The following STXBP5 variants were observed in gnomAD, a reference collection of about 807,000 sequenced individuals.
STXBP5 encodes the protein syntaxin-binding protein 5.
STXBP5 carries 50 observed loss-of-function variants against 152.4 expected under a neutral mutation model. That is an observed-to-expected ratio of 0.33 (90% CI 0.26 to 0.42). STXBP5 has a LOEUF of 0.42. Ranked by LOEUF, STXBP5 falls within the 10% of genes least tolerant of loss-of-function variation. STXBP5 has a pLI of 1.00. For synonymous variants in STXBP5, 492 were observed against 494.7 expected (o/e 0.99, Z 0.07); for missense variants, 1,167 against 1,388.6 (o/e 0.84, Z 2.54).
At chr6:147,314,571 A>G (rs1218764177) in intron 13 of STXBP5, 25 bp from the exon 14 acceptor site, 8 of 1,603,416 alleles carry the variant, frequency 5.0e-6, no homozygotes, top group Non-Finnish European at 6.8e-6. Flanking sequence ...TTTATTCATC[A>G]CATTCTTAAC....
rs191078388 is a variant in STXBP5, at chr6:147,350,815, T to A, written c.2255-2508T>A. On this transcript the variant is annotated intron_variant, in intron 21 of 27. Coordinates refer to ENST00000321680, the MANE Select transcript of STXBP5 (RefSeq NM_001127715.4). ...TTAAATCATACTATGTGCCAGGTATTATGCTCAGTTCTTTGCTTATGTCAT... is the reference window on the plus strand; with the variant it reads ...TTAAATCATACTATGTGCCAGGTATAATGCTCAGTTCTTTGCTTATGTCAT... 1.4e-3 allele frequency among the ~76,000 whole-genome samples: 207 copies of A among 152,310 alleles called. 1 individual carries two copies. Among genetic ancestry groups the A allele is most frequent in the African/African-American group, 4.8e-3 (200 of 41,572 alleles).
intron 9 of STXBP5, among the ~76,000 whole-genome samples, chr6:147,295,373 T>C (rs940219213): frequency 3.3e-5 from 5 of 152,172 alleles, no homozygotes; most frequent in African/African-American, 1.2e-4. Context: ...ATCTCTTTAT[T>C]ATGGAACCTA....
chr6:147,340,897 T>C (rs1048228284), intron 21 of STXBP5, among the ~76,000 whole-genome samples: 2 of 152,184 alleles, frequency 1.3e-5, no homozygotes, highest in Non-Finnish European at 2.9e-5. Flanking sequence ...GCTTTATTTT[T>C]ATCTTATTGG....
At chr6:147,205,120 A>G (rs1349752103) in intron 1 of STXBP5, among the ~76,000 whole-genome samples, 2 of 152,078 alleles carry the variant, frequency 1.3e-5, no homozygotes, top group Non-Finnish European at 2.9e-5. Context: ...CTTTTCCCTT[A>G]AAATGTGGTG....
rs748507714 is a variant in STXBP5 at position 147,363,478 on chromosome 6, C to T, written c.2689C>T (p.Arg897Trp). ...CGAAAAGGAGAAATTGAAAAAACGG[C>T]GGCCTGTCTCAGTATCCCCCTCCTC... is the stretch of plus-strand genomic sequence containing the variant. ...KDEKEKLKKR[R>W]PVSVSPSSSQ... Residue 897 changes from arginine to tryptophan, a missense_variant, in exon 24 of 28, where the codon CGG becomes TGG. Physicochemically the swap from Arg to Trp is moderately radical, Grantham distance 101. Coordinates refer to ENST00000321680, the MANE Select transcript of STXBP5 (RefSeq NM_001127715.4). 6 of 1,614,048 alleles carry T rather than the reference C, an allele frequency of 3.7e-6. No homozygotes were observed. Among genetic ancestry groups the T allele is most frequent in the South Asian group, 3.3e-5 (3 of 91,068 alleles).
intron 4 of STXBP5, among the ~76,000 whole-genome samples, chr6:147,253,944 CTTTAAAT>C (rs1779228886): frequency 6.6e-6 from 1 of 152,092 alleles, no homozygotes; most frequent in African/African-American, 2.4e-5. Flanking sequence ...GAAAAAAAAA[CTTTAAAT>C]TTTATGTGGA....
chr6:147,333,163 C>CTTAGT (rs746766937), intron 18 of STXBP5, among the ~76,000 whole-genome samples: 4 of 152,172 alleles, frequency 2.6e-5, no homozygotes, highest in Non-Finnish European at 5.9e-5. Flanking sequence ...CATCTATCAT[C>CTTAGT]TTAGATCTGT....
intron 2 of STXBP5, among the ~76,000 whole-genome samples, chr6:147,224,124 T>A (rs867857714): frequency 6.6e-6 from 1 of 152,226 alleles, no homozygotes; most frequent in Non-Finnish European, 1.5e-5. Flanking sequence ...GAAAAGTCTA[T>A]TCTTAAACAT....
intron 2 of STXBP5, among the ~76,000 whole-genome samples, chr6:147,224,316 C>T (rs1777604195): frequency 2.0e-5 from 3 of 152,166 alleles, no homozygotes; most frequent in African/African-American, 4.8e-5. Flanking sequence ...ATCCCAGCTA[C>T]TGGGAGGCTG....
At position 147,363,694 on chromosome 6, in the gene STXBP5, A is replaced by G. The variant is rs1454550246; in HGVS notation, c.2905A>G (p.Met969Val). The G allele has an allele frequency of 1.9e-6, 3 of 1,609,472 alleles. No individual in the cohort carries two copies. Among genetic ancestry groups the G allele is most frequent in the Non-Finnish European group, 2.5e-6 (3 of 1,178,262 alleles). Residue 969 changes from methionine (M) to valine (V), a missense_variant, in exon 24 of 28, where the codon ATG (methionine) becomes GTG (valine). Around this residue, in one of 3 missense-constraint regions of STXBP5, gnomAD observed 833 missense variants for 986.3 expected, o/e 0.84. Transcript: ENST00000321680. ...CTGTTTCTGTGCCAATGGACATATA[A>G]TGACTTTTAGGTAAGAGTTAGATAT... ...LACFCANGHI[M>V]TFSLPSLRPL... is the part of the protein sequence containing the mutation.
chr6:147,343,240 A>C (rs1157505894), intron 21 of STXBP5, among the ~76,000 whole-genome samples: 1 of 152,146 alleles, frequency 6.6e-6, no homozygotes, highest in African/African-American at 2.4e-5. Flanking sequence ...TTCTGAGTTA[A>C]CATAATTATT....
chr6:147,378,811 A>G (rs1785934836), intron 26 of STXBP5, among the ~76,000 whole-genome samples: 2 of 152,308 alleles, frequency 1.3e-5, no homozygotes, highest in African/African-American at 4.8e-5. Context: ...ACTTTAAATT[A>G]CTATTTGTGT....
intron 22 of STXBP5, among the ~76,000 whole-genome samples, chr6:147,356,205 T>C (rs1253139009): frequency 6.6e-6 from 1 of 152,122 alleles, no homozygotes; most frequent in Non-Finnish European, 1.5e-5. Context: ...ATTTAAAATA[T>C]AGGTTGTTGT....
intron 25 of STXBP5, among the ~76,000 whole-genome samples, chr6:147,365,082 A>T (rs1179379492): frequency 6.6e-6 from 1 of 152,094 alleles, no homozygotes; most frequent in East Asian, 1.9e-4. Flanking sequence ...TAATGTGCTT[A>T]GCATAGTGCC....
intron 2 of STXBP5, among the ~76,000 whole-genome samples, chr6:147,215,179 G>A (rs1409382686): frequency 6.6e-6 from 1 of 152,180 alleles, no homozygotes; most frequent in Non-Finnish European, 1.5e-5. Context: ...TCAAGCAGTT[G>A]GCTGGATTTG....
At position 147,251,183 on chromosome 6, in the gene STXBP5, G is replaced by T. The variant is rs115141526; in HGVS notation, c.432-9432G>T. ...CGTTGCCTCACCCGGAAGCGGAAAG[G>T]GTCGGGAAACTCCCTCCCCTAGCCA... On this transcript the variant is annotated intron_variant, in intron 4 of 27. Coordinates refer to ENST00000321680, the MANE Select transcript of STXBP5 (RefSeq NM_001127715.4). 8.1e-3 allele frequency among the ~76,000 whole-genome samples: 1,234 copies of T among 152,200 alleles called. 19 individuals carry two copies. The highest frequency in any genetic ancestry group is 0.029 in the African/African-American group (1,184 of 41,530).
At chr6:147,237,278 G>A (rs1334275868) in intron 3 of STXBP5, among the ~76,000 whole-genome samples, 1 of 151,688 alleles carries the variant, frequency 6.6e-6, no homozygotes. Context: ...TTTTTGACCT[G>A]TTAAATTATA....
intron 11 of STXBP5, among the ~76,000 whole-genome samples, chr6:147,312,059 A>G (rs941492122): frequency 6.6e-5 from 10 of 152,280 alleles, no homozygotes; most frequent in Middle Eastern, 3.4e-3. Flanking sequence ...ACTAGTGTCT[A>G]TTCCTTAGGA....
rs563543503 is a variant in STXBP5, at chr6:147,276,739, C to G, written c.715-1342C>G. Among the ~76,000 whole-genome samples, 4 of 152,144 alleles carry G rather than the reference C, an allele frequency of 2.6e-5. No individual in the cohort carries two copies. In the East Asian group the frequency reaches 7.7e-4, roughly 29 times the overall value. On this transcript the variant is annotated intron_variant, in intron 7 of 27. Transcript: ENST00000321680. ...TTTTCAAAATGTCATATGTATATGTCAGTTTATTATTGCTTTAAGATTTTA... is the reference window on the plus strand; with the variant it reads ...TTTTCAAAATGTCATATGTATATGTGAGTTTATTATTGCTTTAAGATTTTA...
Sources: gnomAD v4.1 joint callset for allele counts (sites outside exome capture counted in the v4.1 genomes callset) on GRCh38, gnomAD v4.1.1 for gene constraint, gnomAD v4.1.1 regional missense constraint, MANE v1.5 for transcripts, NCBI Gene and HGNC (gene_info 2026-07-23, HGNC 2026-07-21) for gene names.